Variants in RPAP1 observed in about 807,000 individuals in gnomAD.
RPAP1 encodes the protein RNA polymerase II-associated protein 1.
RPAP1 carries 109 observed loss-of-function variants against 142.4 expected under a neutral mutation model. That is an observed-to-expected ratio of 0.77 (90% confidence interval 0.66 to 0.90). The LOEUF is 0.90. RPAP1 is among the 40% of genes least tolerant of loss of function. The pLI, the probability that RPAP1 is intolerant of heterozygous loss-of-function variation, is 0.00. For missense variants in RPAP1, 1,546 were observed against 1,751.7 expected (o/e 0.88, Z 2.10); for synonymous variants, 704 against 738.9 (o/e 0.95, Z 0.77).
At chr15:41,531,652 T>C (rs546910664) in intron 6 of RPAP1, among the ~76,000 whole-genome samples, 1 of 95,582 alleles carries the variant, frequency 1.0e-5, no homozygotes, top group African/African-American at 3.9e-5. Flanking sequence ...TTTTTTTTTT[T>C]TTTTTTGAGA....
chr15:41,528,460 C>G, intron 9 of RPAP1, 124 bp from the exon 10 acceptor site: 1 of 687,222 alleles, frequency 1.5e-6, no homozygotes, highest in East Asian at 2.8e-5. Context: ...TCCATGGAGC[C>G]TCAAGCCGGT....
In RPAP1 at chr15:41,527,877, C is replaced by G; in HGVS notation, c.1411G>C (p.Val471Leu). ...TGTGGTACCTCATCTCCAGGAGCCA[C>G]CAGCAGAGCCCGAAGAGCACGGATG... ...TAIRALRALL[V>L]APGDEELLDS... Residue 471 changes from valine to leucine, a missense_variant, in exon 11 of 25, where the codon GTG becomes CTG. Coordinates refer to ENST00000304330, the MANE Select transcript of RPAP1 (RefSeq NM_015540.4). 1 of 1,614,116 alleles carries G rather than the reference C, an allele frequency of 6.2e-7. No homozygotes were observed. Among genetic ancestry groups the G allele is most frequent in the Non-Finnish European group, 8.5e-7 (1 of 1,180,028 alleles).
chr15:41,530,338 C>G (rs534477911), intron 7 of RPAP1, among the ~76,000 whole-genome samples: 1 of 152,224 alleles, frequency 6.6e-6, no homozygotes, highest in East Asian at 1.9e-4. Flanking sequence ...AGTACCAGCC[C>G]TTAAAGGAGT....
In RPAP1 at chr15:41,518,041, T is replaced by C; in HGVS notation, c.3937A>G (p.Asn1313Asp). ...GGGTCCTGAGAGAAGATGAAGCTAT[T>C]GACATGAGCCACAGCCACAGCATAG... ...VLYAVAVAHV[N>D]SFIFSQDPQS... The change falls in exon 23 of 25, where the codon AAT becomes GAT. Residue 1313 changes from asparagine to aspartate, a missense_variant. Asn to Asp is a conservative substitution (Grantham distance 23). Coordinates refer to ENST00000304330, the MANE Select transcript of RPAP1 (RefSeq NM_015540.4). The C allele has an allele frequency of 6.2e-7, 1 of 1,613,988 alleles. No homozygotes were observed. Among genetic ancestry groups the C allele is most frequent in the Non-Finnish European group, 8.5e-7 (1 of 1,179,972 alleles).
At chr15:41,522,528 T>A in intron 19 of RPAP1, 1 of 562,776 alleles carries the variant, frequency 1.8e-6, no homozygotes, top group Non-Finnish European at 3.1e-6. Flanking sequence ...GTAGCTGGGA[T>A]TACAGGCATG....
Position 41,527,249 on chromosome 15 carries a change from G to C in RPAP1, c.1664C>G (p.Thr555Arg). 6.2e-7 allele frequency: 1 copy of C among 1,614,192 alleles called. No homozygotes were observed. Among genetic ancestry groups the C allele is most frequent in the South Asian group, 1.1e-5 (1 of 91,084 alleles). The change falls in exon 13 of 25, where the codon ACA becomes AGA. Residue 555 changes from threonine (T) to arginine (R), a missense_variant. Coordinates refer to ENST00000304330, the MANE Select transcript of RPAP1 (RefSeq NM_015540.4). ...AAGGACCACCGCAGGTCCTGGGTAT[G>C]TCACCTCCAGCACGTAGCGCAGCCG... Reference protein sequence around the residue: ...LPRLRYVLEVTYPGPAVVLDI... With the variant: ...LPRLRYVLEVRYPGPAVVLDI...
At position 41,521,689 on chromosome 15, in the gene RPAP1, G is replaced by A. The variant is rs781582358; in HGVS notation, c.3038+49C>T. On this transcript the variant is annotated intron_variant, in intron 21 of 24. Coordinates refer to ENST00000304330, the MANE Select transcript of RPAP1 (RefSeq NM_015540.4). ...ATTCAGGGCTGCTCTGTTAACAACT[G>A]CAGCAGCGTCCAAAAGGGCTGAGTT... 1.9e-6 allele frequency: 3 copies of A among 1,603,050 alleles called. No individual in the cohort carries two copies. In the South Asian group the frequency reaches 3.3e-5, roughly 18 times the overall value.
Position 41,517,302 on chromosome 15 carries a change from G to A in RPAP1, c.*240C>T, listed in dbSNP as rs2051674274. 1 of 395,724 alleles carries A rather than the reference G, an allele frequency of 2.5e-6. No homozygotes were observed. Among genetic ancestry groups the A allele is most frequent in the Admixed American group, 4.0e-5 (1 of 24,852 alleles). The allele number at this position is 395,724 out of a possible 1,614,324, so 24.5% of individuals were successfully genotyped here. The stretch of plus-strand genomic sequence containing the variant: ...AGTTTGCCCTGTCCCCAAAGAGCGG[G>A]TAAATAGCTAAGCCACTCTTCACTC... On this transcript the variant is annotated 3_prime_UTR_variant, in exon 25 of 25. Coordinates refer to ENST00000304330, the MANE Select transcript of RPAP1 (RefSeq NM_015540.4).
chr15:41,529,211 T>G (rs2051823791), intron 9 of RPAP1, among the ~76,000 whole-genome samples: 1 of 152,178 alleles, frequency 6.6e-6, no homozygotes. Context: ...GGCATGCGCC[T>G]GTAATCCCAG....
At chr15:41,523,998 A>G (rs201561284) in intron 16 of RPAP1, 26 bp from the exon 17 acceptor site, 2 of 1,613,224 alleles carry the variant, frequency 1.2e-6, no homozygotes, top group East Asian at 2.2e-5. Flanking sequence ...AGGGTGCCAC[A>G]GTGAGGATCT....
chr15:41,520,736 C>A lies in RPAP1; in HGVS notation c.3450G>T (p.Val1150=), dbSNP rs1202907848. The change falls in exon 22 of 25, where the codon GTG becomes GTT. Residue 1150 remains valine, a synonymous_variant. Coordinates refer to ENST00000304330, the MANE Select transcript of RPAP1 (RefSeq NM_015540.4). ...GCCGTGCCAGGCGGGCAGCAGGGGG[C>A]ACAGCCCAGAGAGCCTGGGGGCGCC... The part of the protein sequence containing the change: ...ESWRPQALWA[V]PPAARLARLM... 2 of 1,613,910 alleles carry A rather than the reference C, an allele frequency of 1.2e-6. No individual in the cohort carries two copies. Among genetic ancestry groups the A allele is most frequent in the African/African-American group, 2.7e-5 (2 of 75,060 alleles).
chr15:41,524,977 C>G lies in RPAP1; in HGVS notation c.2075+14G>C. ...AAGGTGTCTAGGGGGAGCCTACCCCCTGCCTCTCCTCACCTGTAAAGGTAA... is the reference window on the plus strand; with the variant it reads ...AAGGTGTCTAGGGGGAGCCTACCCCGTGCCTCTCCTCACCTGTAAAGGTAA... On this transcript the variant is annotated intron_variant, in intron 15 of 24. Transcript: ENST00000304330. The G allele has an allele frequency of 6.2e-7, 1 of 1,612,126 alleles. No homozygotes were observed. Among genetic ancestry groups the G allele is most frequent in the Non-Finnish European group, 8.5e-7 (1 of 1,179,488 alleles).
intron 2 of RPAP1, 72 bp downstream of exon 2, chr15:41,536,873 C>T: frequency 6.5e-7 from 1 of 1,546,586 alleles, no homozygotes; most frequent in Non-Finnish European, 8.8e-7. Flanking sequence ...TGAATCCAAC[C>T]ACAACAGGAA....
chr15:41,541,423 GAAAA>G (rs34842966), intron 1 of RPAP1, among the ~76,000 whole-genome samples: 1 of 88,510 alleles, frequency 1.1e-5, no homozygotes, highest in Non-Finnish European at 2.4e-5. Flanking sequence ...ACTCCATCTT[GAAAA>G]AAAAAAAAAA....
rs773739635 is a variant in RPAP1, at chr15:41,522,741, C to T, written c.2742+24G>A. ...TGCCATCTTGGCCCCTTGCCTGGCC[C>T]CTAATCAGGCACCCCACACTTACCT... On this transcript the variant is annotated intron_variant, in intron 19 of 24. Transcript: ENST00000304330. The T allele has an allele frequency of 7.8e-6, 12 of 1,531,614 alleles. No individual in the cohort carries two copies. The South Asian group carries it at 1.6e-4, about 20-fold the overall frequency. 94.9% of individuals were successfully genotyped at this position (1,531,614 alleles called of 1,614,324 possible). A position where few individuals can be genotyped will look rare whatever the true frequency, so the allele number is the denominator to read the frequency against.
rs995978971 is a variant in RPAP1, at chr15:41,527,058, C to T, written c.1757G>A (p.Cys586Tyr). Residue 586 changes from cysteine to tyrosine, a missense_variant, in exon 14 of 25, where the codon TGC becomes TAC. Cys to Tyr is a radical substitution (Grantham distance 194). Around this residue, in one of 3 missense-constraint regions of RPAP1, gnomAD observed 1,333 missense variants for 1,486.6 expected, o/e 0.90. Coordinates refer to ENST00000304330, the MANE Select transcript of RPAP1 (RefSeq NM_015540.4). ...AACTATAGTCTCTATCAGCCGAGGGCACTCCAGGACCTATGGGAGACAGGA... is the reference window on the plus strand; with the variant it reads ...AACTATAGTCTCTATCAGCCGAGGGTACTCCAGGACCTATGGGAGACAGGA... ...SLESATRVLE[C>Y]PRLIETIVRE... is the part of the protein sequence containing the mutation. The T allele has an allele frequency of 2.3e-5, 37 of 1,613,766 alleles. No homozygotes were observed. The highest frequency in any genetic ancestry group is 3.1e-5 in the Non-Finnish European group (37 of 1,179,796).
rs2051816367 is a variant in RPAP1, at chr15:41,528,325, A to C, written c.1170T>G (p.Tyr390Ter). The change falls in exon 10 of 25, where the codon TAT (tyrosine) becomes TAG (stop). Residue 390 changes from tyrosine to a stop codon, truncating the protein, a stop_gained. Transcript: ENST00000304330. LOFTEE classifies it high-confidence loss of function. ...TCAGGTGGAACAGCTCCTGTAGGGA[A>C]TACCCCGCTCTCTGGGGCAGGGACA... ...HHGEEAERAG[Y>*]SLQELFHLTR... The C allele has an allele frequency of 6.3e-7, 1 of 1,593,004 alleles. No individual in the cohort carries two copies. The highest frequency in any genetic ancestry group is 1.1e-5 in the South Asian group (1 of 87,838).
At chr15:41,539,207 T>C in intron 1 of RPAP1, among the ~76,000 whole-genome samples, 1 of 151,878 alleles carries the variant, frequency 6.6e-6, no homozygotes, top group Non-Finnish European at 1.5e-5. Context: ...CTCCTGGGCT[T>C]AAGCCGTCCT....
intron 24 of RPAP1, 43 bp from the exon 25 acceptor site, chr15:41,517,734 C>T: frequency 6.2e-7 from 1 of 1,613,956 alleles, no homozygotes; most frequent in South Asian, 1.1e-5. Flanking sequence ...TAATGAGATC[C>T]TGTTGTGGTC....
Sources: gnomAD v4.1 joint callset for allele counts (sites outside exome capture counted in the v4.1 genomes callset) on GRCh38, gnomAD v4.1.1 for gene constraint, gnomAD v4.1.1 regional missense constraint, MANE v1.5 for transcripts, NCBI Gene and HGNC (gene_info 2026-07-23, HGNC 2026-07-21) for gene names.